FBXO36: variants seen among roughly 807,000 people sequenced by gnomAD.
FBXO36 encodes F-box protein 36.
In FBXO36, 18 loss-of-function variants were observed where a neutral mutation model predicts 17.0. The observed-to-expected ratio is 1.06, with a 90% CI of 0.73 to 1.57. The LOEUF is 1.57. Ranked by LOEUF, FBXO36 falls within the 40% of genes most tolerant of loss-of-function variation. FBXO36 has a pLI of 0.00. For synonymous variants in FBXO36, 83 were observed against 85.3 expected, an observed-to-expected ratio of 0.97 and a Z score of 0.15; for missense variants, 229 against 221.9, an observed-to-expected ratio of 1.03 and a Z score of -0.20.
chr2:229,982,846 G>A (rs1285083313), intron 2 of FBXO36, among the ~76,000 whole-genome samples: 1 of 151,726 alleles, frequency 6.6e-6, no homozygotes. Flanking sequence ...TGCCGTGTGA[G>A]GTCCCATATT....
Position 229,970,887 on chromosome 2 carries a change from G to A in FBXO36, c.97-5354G>A, listed in dbSNP as rs571753452. Among the ~76,000 whole-genome samples the A allele has an allele frequency of 5.3e-5, 8 of 152,126 alleles. No individual in the cohort carries two copies. The East Asian group carries it at 1.2e-3, about 22-fold the overall frequency. ...TGTTCTAAAATACATGCCTAATGAC[G>A]AATTAAAGAGCTCTTTCAGTAACTC... On this transcript the variant is annotated intron_variant, in intron 1 of 3. Coordinates refer to ENST00000283946, the MANE Select transcript of FBXO36 (RefSeq NM_174899.5).
At chr2:229,930,522 G>C (rs2106153663) in intron 1 of FBXO36, among the ~76,000 whole-genome samples, 1 of 152,082 alleles carries the variant, frequency 6.6e-6, no homozygotes, top group East Asian at 1.9e-4. Context: ...AGGTCAAGGT[G>C]GGCAGATCAC....
At chr2:229,993,082 C>G (rs1258463841) in intron 2 of FBXO36, among the ~76,000 whole-genome samples, 1 of 152,108 alleles carries the variant, frequency 6.6e-6, no homozygotes, top group African/African-American at 2.4e-5. Flanking sequence ...AATTTACTTT[C>G]CAACCTGACT....
chr2:229,924,323 C>T (rs2076891700), intron 1 of FBXO36, among the ~76,000 whole-genome samples: 1 of 151,556 alleles, frequency 6.6e-6, no homozygotes, highest in Admixed American at 6.6e-5. Flanking sequence ...CAACTCCTGA[C>T]CTCAGGTGAT....
Position 230,010,768 on chromosome 2 carries a change from G to A in FBXO36, c.451G>A (p.Ala151Thr). ...TCDTITPDVR[A>T]LAEDTGWRQL... Reference sequence around the variant, plus strand: ...CGACACCATCACTCCTGACGTGAGGGCCCTGGCGGAGGACACAGGCTGGAG... The same window carrying A: ...CGACACCATCACTCCTGACGTGAGGACCCTGGCGGAGGACACAGGCTGGAG... Residue 151 changes from alanine (A) to threonine (T), a missense_variant, in exon 4 of 4, where the codon GCC (alanine) becomes ACC (threonine). Transcript: ENST00000283946. 6.2e-7 allele frequency: 1 copy of A among 1,613,982 alleles called. No individual in the cohort carries two copies. Among genetic ancestry groups the A allele is most frequent in the Non-Finnish European group, 8.5e-7 (1 of 1,179,852 alleles).
At chr2:229,930,324 G>T (rs2076932799) in intron 1 of FBXO36, among the ~76,000 whole-genome samples, 1 of 152,186 alleles carries the variant, frequency 6.6e-6, no homozygotes, top group Non-Finnish European at 1.5e-5. Context: ...CCACTGAACA[G>T]AATGAGACCC....
In FBXO36 at chr2:229,924,911, G is replaced by A. The variant is rs543881383; in HGVS notation, c.96+2302G>A. ...AGCCTCCCCAGTAGCTGGGATTACA[G>A]GCGCCCGCCACCACGCCCGGCTAAT... On this transcript the variant is annotated intron_variant, in intron 1 of 3. Coordinates refer to ENST00000283946, the MANE Select transcript of FBXO36 (RefSeq NM_174899.5). 5.1e-3 allele frequency among the ~76,000 whole-genome samples: 775 copies of A among 152,132 alleles called. 3 individuals are homozygous for A. The highest frequency in any genetic ancestry group is 6.2e-3 in the Non-Finnish European group (424 of 67,988).
chr2:229,949,304 G>T (rs1490014391), intron 1 of FBXO36, among the ~76,000 whole-genome samples: 2 of 152,114 alleles, frequency 1.3e-5, no homozygotes, highest in African/African-American at 4.8e-5. Flanking sequence ...CCACCTCAGG[G>T]AATTTACCCT....
chr2:229,925,469 A>T (rs1389172117), intron 1 of FBXO36, among the ~76,000 whole-genome samples: 1 of 152,226 alleles, frequency 6.6e-6, no homozygotes, highest in Non-Finnish European at 1.5e-5. Context: ...TAGCATTAAA[A>T]TATGTTTTAT....
At chr2:229,945,520 G>A (rs758361187) in intron 1 of FBXO36, among the ~76,000 whole-genome samples, 44 of 151,752 alleles carry the variant, frequency 2.9e-4, no homozygotes, top group Non-Finnish European at 5.0e-4. Context: ...TGGCCAGGCT[G>A]GTCTCAAACT....
At chr2:229,958,480 A>T (rs1427439460) in intron 1 of FBXO36, among the ~76,000 whole-genome samples, 2 of 152,140 alleles carry the variant, frequency 1.3e-5, no homozygotes, top group East Asian at 3.9e-4. Flanking sequence ...CATATTGGCC[A>T]GGCTGATCTC....
rs60093081 is a variant in FBXO36 at position 229,954,234 on chromosome 2, A to ATTTTTTTTTTTTTTTTTT, written c.97-21998_97-21981dup. Among the ~76,000 whole-genome samples the ATTTTTTTTTTTTTTTTTT allele has an allele frequency of 3.1e-3, 220 of 71,400 alleles. 50 individuals carry two copies. The highest frequency in any genetic ancestry group is 3.9e-3 in the African/African-American group (80 of 20,596). 46.8% of individuals were successfully genotyped at this position (71,400 alleles called of 152,430 possible). On this transcript the variant is annotated intron_variant, in intron 1 of 3. Coordinates refer to ENST00000283946, the MANE Select transcript of FBXO36 (RefSeq NM_174899.5). The stretch of plus-strand genomic sequence containing the variant: ...GCAACTGTCATTACAAACCCTTTGG[A>ATTTTTTTTTTTTTTTTTT]TTTTTTTTTTTTTTTTTTTTTTTTT...
intron 1 of FBXO36, among the ~76,000 whole-genome samples, chr2:229,961,036 A>T (rs1465110484): frequency 6.6e-6 from 1 of 151,918 alleles, no homozygotes; most frequent in Admixed American, 6.6e-5. Flanking sequence ...GGAACCTGGG[A>T]GGCAGAGGTT....
intron 1 of FBXO36, among the ~76,000 whole-genome samples, chr2:229,960,700 G>A (rs368045986): frequency 2.0e-5 from 3 of 152,242 alleles, no homozygotes; most frequent in East Asian, 1.9e-4. Flanking sequence ...ATGGGGTTGC[G>A]CTGCATTGCC....
chr2:229,959,218 T>C (rs910498163), intron 1 of FBXO36, among the ~76,000 whole-genome samples: 2 of 152,208 alleles, frequency 1.3e-5, no homozygotes, highest in Non-Finnish European at 2.9e-5. Flanking sequence ...GGAATCTTGC[T>C]ATTTTGCCCA....
chr2:230,000,692 T>C (rs2077353786), intron 3 of FBXO36, among the ~76,000 whole-genome samples: 1 of 152,092 alleles, frequency 6.6e-6, no homozygotes, highest in Non-Finnish European at 1.5e-5. Context: ...CAGTGCAGTC[T>C]TGAAAACATT....
At chr2:230,008,643 A>G (rs548213371) in intron 3 of FBXO36, among the ~76,000 whole-genome samples, 1 of 152,340 alleles carries the variant, frequency 6.6e-6, no homozygotes, top group East Asian at 1.9e-4. Flanking sequence ...CATAATCTCT[A>G]TTACAAGACA....
At chr2:229,959,579 C>T (rs1396408091) in intron 1 of FBXO36, among the ~76,000 whole-genome samples, 3 of 152,100 alleles carry the variant, frequency 2.0e-5, no homozygotes, top group Non-Finnish European at 4.4e-5. Context: ...GGCGCGGTGG[C>T]TCATGCCTGG....
intron 2 of FBXO36, among the ~76,000 whole-genome samples, chr2:229,983,315 C>T (rs1357196019): frequency 6.6e-6 from 1 of 151,802 alleles, no homozygotes; most frequent in East Asian, 1.9e-4. Context: ...GCAGAAGTTG[C>T]AGTGAGCCAA....
Sources: gnomAD v4.1 joint callset for allele counts (sites outside exome capture counted in the v4.1 genomes callset) on GRCh38, gnomAD v4.1.1 for gene constraint, MANE v1.5 for transcripts, NCBI Gene and HGNC (gene_info 2026-07-23, HGNC 2026-07-21) for gene names.